CA10: variants seen among roughly 807,000 people sequenced by gnomAD.
CA10 encodes the protein carbonic anhydrase 10 (inactive).
CA10 carries 14 observed loss-of-function variants against 44.2 expected under a neutral mutation model. That is an observed-to-expected ratio of 0.32 (90% CI 0.21 to 0.50). CA10 has a LOEUF of 0.50. CA10 is among the 20% of genes least tolerant of loss of function. CA10 has a pLI of 0.99. For synonymous variants in CA10, 159 were observed against 141.6 expected (o/e 1.12, Z -0.87); for missense variants, 350 against 409.7 (o/e 0.85, Z 1.26).
At chr17:51,884,205 T>G (rs1279005194) in intron 3 of CA10, among the ~76,000 whole-genome samples, 3 of 152,208 alleles carry the variant, frequency 2.0e-5, no homozygotes, top group Admixed American at 1.3e-4. Context: ...GCCTTTTCAC[T>G]GGACACCTGG....
chr17:51,929,173 A>G (rs1324663741), intron 3 of CA10, among the ~76,000 whole-genome samples: 1 of 152,122 alleles, frequency 6.6e-6, no homozygotes, highest in Non-Finnish European at 1.5e-5. Context: ...ACACTAGACT[A>G]TCTCCCAATC....
At position 51,647,218 on chromosome 17, in the gene CA10, G is replaced by A. The variant is rs188275274; in HGVS notation, c.634+1964C>T. Among the ~76,000 whole-genome samples, 61 of 152,184 alleles carry A rather than the reference G, an allele frequency of 4.0e-4. No individual in the cohort carries two copies. In the East Asian group the frequency reaches 7.7e-3, roughly 19 times the overall value. ...TCTTTCTTGCCACTCCCTCTGCCCC[G>A]TCACAGCTCCTGAAAGAGGCCATTC... On this transcript the variant is annotated intron_variant, in intron 6 of 8. Transcript: ENST00000451037.
At chr17:51,747,899 C>T in intron 3 of CA10, 81 bp from the exon 4 acceptor site, 1 of 1,092,626 alleles carries the variant, frequency 9.2e-7, no homozygotes, top group South Asian at 1.5e-5. Context: ...CTTGGATCAA[C>T]ACCTTTTGCT....
chr17:52,067,851 G>A (rs1352770780), intron 2 of CA10, among the ~76,000 whole-genome samples: 1 of 152,164 alleles, frequency 6.6e-6, no homozygotes, highest in African/African-American at 2.4e-5. Context: ...TCTCCCATTT[G>A]GAATGGCTCT....
At chr17:52,025,708 TAA>T (rs1986279493) in intron 2 of CA10, among the ~76,000 whole-genome samples, 1 of 152,086 alleles carries the variant, frequency 6.6e-6, no homozygotes, top group African/African-American at 2.4e-5. Flanking sequence ...TCATTTAACT[TAA>T]GATATTTTTG....
chr17:51,912,135 C>A (rs1981814091), intron 3 of CA10, among the ~76,000 whole-genome samples: 1 of 152,138 alleles, frequency 6.6e-6, no homozygotes, highest in African/African-American at 2.4e-5. Context: ...AGTAGTATAG[C>A]AAACTTGATG....
intron 3 of CA10, among the ~76,000 whole-genome samples, chr17:51,814,851 T>C (rs982864947): frequency 3.9e-5 from 6 of 152,342 alleles, no homozygotes; most frequent in African/African-American, 1.2e-4. Flanking sequence ...ATTCCACTTG[T>C]TGCCAATGAA....
At chr17:52,098,447 G>A (rs1012377810) in intron 1 of CA10, among the ~76,000 whole-genome samples, 9 of 152,138 alleles carry the variant, frequency 5.9e-5, no homozygotes, top group African/African-American at 2.2e-4. Context: ...AGCTTAAAAT[G>A]TAGTTGAACC....
chr17:52,049,733 T>C (rs1454783007), intron 2 of CA10, among the ~76,000 whole-genome samples: 1 of 152,148 alleles, frequency 6.6e-6, no homozygotes, highest in East Asian at 1.9e-4. Flanking sequence ...CAAGATGCCT[T>C]CTTTTGAAAG....
intron 3 of CA10, among the ~76,000 whole-genome samples, chr17:51,841,825 G>A (rs1352867413): frequency 6.6e-6 from 1 of 152,178 alleles, no homozygotes; most frequent in Non-Finnish European, 1.5e-5. Flanking sequence ...GGTATATTAG[G>A]ACCCTGACTC....
intron 1 of CA10, among the ~76,000 whole-genome samples, chr17:52,072,678 T>TACACACACACAC (rs58984767): frequency 0.023 from 3,157 of 140,112 alleles, 77 homozygotes; most frequent in Middle Eastern, 0.057. Context: ...ATCTTCCCCA[T>TACACACACACAC]ACACACACAC....
At chr17:52,096,942 T>C (rs1306730182) in intron 1 of CA10, among the ~76,000 whole-genome samples, 19 of 152,186 alleles carry the variant, frequency 1.2e-4, no homozygotes, top group Admixed American at 1.2e-3. Context: ...ACTGCAATGA[T>C]ACAATTCATT....
intron 1 of CA10, chr17:52,134,848 G>A (rs748377895): frequency 7.7e-6 from 4 of 518,808 alleles, no homozygotes; most frequent in South Asian, 1.4e-5. Flanking sequence ...CCCCATGCAT[G>A]AGCCAGAACC....
intron 2 of CA10, among the ~76,000 whole-genome samples, chr17:51,996,049 A>G (rs917760530): frequency 1.3e-5 from 2 of 152,068 alleles, no homozygotes; most frequent in African/African-American, 4.8e-5. Flanking sequence ...TTACTACTTA[A>G]CTGAACTCCT....
chr17:52,091,734 G>A (rs191514825), intron 1 of CA10, among the ~76,000 whole-genome samples: 1 of 152,112 alleles, frequency 6.6e-6, no homozygotes, highest in Non-Finnish European at 1.5e-5. Context: ...GCTGTTGGAG[G>A]GGGACCTTGC....
chr17:51,697,800 T>C (rs2143448541), intron 4 of CA10, among the ~76,000 whole-genome samples: 1 of 152,360 alleles, frequency 6.6e-6, no homozygotes, highest in South Asian at 2.1e-4. Flanking sequence ...TGGCATATTG[T>C]ACACATCTAA....
At chr17:51,990,243 C>T (rs1251143399) in intron 2 of CA10, among the ~76,000 whole-genome samples, 1 of 151,982 alleles carries the variant, frequency 6.6e-6, no homozygotes, top group African/African-American at 2.4e-5. Context: ...GTCCAATTGC[C>T]CCAGAATTTC....
At chr17:52,029,254 T>G (rs1387259876) in intron 2 of CA10, among the ~76,000 whole-genome samples, 1 of 152,198 alleles carries the variant, frequency 6.6e-6, no homozygotes, top group Admixed American at 6.6e-5. Flanking sequence ...CCCTCTTGCC[T>G]GATTTAGGTA....
intron 2 of CA10, among the ~76,000 whole-genome samples, chr17:52,056,881 G>A (rs1054827382): frequency 3.3e-5 from 5 of 152,064 alleles, no homozygotes; most frequent in Non-Finnish European, 7.4e-5. Context: ...TATAGTTGAT[G>A]TAATTCAAGC....
Sources: allele counts gnomAD v4.1 joint callset (sites outside exome capture counted in the v4.1 genomes callset), GRCh38; gene constraint gnomAD v4.1.1; transcripts MANE v1.5; gene names NCBI Gene and HGNC (gene_info 2026-07-23, HGNC 2026-07-21).